Variants in WWTR1 observed in about 807,000 individuals in gnomAD.
The protein encoded by WWTR1 is WW domain-containing transcription regulator protein 1.
WWTR1 carries 13 observed loss-of-function variants against 40.1 expected under a neutral mutation model. That is an observed-to-expected ratio of 0.32 (90% CI 0.21 to 0.52). The LOEUF (loss-of-function observed/expected upper bound fraction) is 0.52. Among genes scored for constraint, WWTR1 ranks in the 20% least tolerant of loss-of-function variants. WWTR1 has a pLI of 0.97. For missense variants in WWTR1, 436 were observed against 523.1 expected, an observed-to-expected ratio of 0.83 and a Z score of 1.63; for synonymous variants, 230 against 210.1, an observed-to-expected ratio of 1.09 and a Z score of -0.82.
chr3:149,694,560 G>T (rs939103045), intron 1 of WWTR1, among the ~76,000 whole-genome samples: 2 of 152,154 alleles, frequency 1.3e-5, no homozygotes, highest in Non-Finnish European at 2.9e-5. Context: ...TGGCAAGCAG[G>T]TGCCTGAAAA....
At chr3:149,577,627 G>A (rs1043034251) in intron 2 of WWTR1, among the ~76,000 whole-genome samples, 4 of 152,260 alleles carry the variant, frequency 2.6e-5, no homozygotes, top group East Asian at 1.9e-4. Flanking sequence ...AGGTCACCAC[G>A]TCTCTGAGAA....
chr3:149,677,161 C>T (rs2108199179), intron 1 of WWTR1, among the ~76,000 whole-genome samples: 1 of 152,134 alleles, frequency 6.6e-6, no homozygotes, highest in East Asian at 1.9e-4. Context: ...GGTCATCCGC[C>T]CATCTCAGCC....
At chr3:149,539,870 C>T (rs1270712514) in intron 4 of WWTR1, among the ~76,000 whole-genome samples, 1 of 151,934 alleles carries the variant, frequency 6.6e-6, no homozygotes, top group Non-Finnish European at 1.5e-5. Flanking sequence ...GGCAAATGCC[C>T]CAGAAAACTA....
chr3:149,688,201 G>T (rs1015210326), intron 1 of WWTR1, among the ~76,000 whole-genome samples: 9 of 151,688 alleles, frequency 5.9e-5, no homozygotes, highest in Admixed American at 4.6e-4. Context: ...GGCCAGAAGG[G>T]AACCCACTGC....
At chr3:149,537,003 C>T (rs1042506755) in intron 4 of WWTR1, among the ~76,000 whole-genome samples, 3 of 152,050 alleles carry the variant, frequency 2.0e-5, no homozygotes, top group African/African-American at 7.2e-5. Context: ...AAGCCATATG[C>T]CTGTTTTCAT....
chr3:149,708,232 A>T (rs1017385965), upstream of WWTR1, among the ~76,000 whole-genome samples: 3 of 152,212 alleles, frequency 2.0e-5, no homozygotes, highest in South Asian at 6.2e-4. Flanking sequence ...TCTAAATATG[A>T]CTGACAACAT....
chr3:149,528,022 A>G (rs556321671), intron 4 of WWTR1, 53 bp from the exon 5 acceptor site: 3 of 1,580,478 alleles, frequency 1.9e-6, no homozygotes, highest in South Asian at 1.2e-5. Context: ...CAAGGCATGG[A>G]GCAAAGTGTA....
chr3:149,692,298 T>C (rs893164788), intron 1 of WWTR1, among the ~76,000 whole-genome samples: 7 of 152,140 alleles, frequency 4.6e-5, no homozygotes, highest in African/African-American at 1.7e-4. Flanking sequence ...TAAAAAATAA[T>C]TCACCATGAC....
intron 1 of WWTR1, among the ~76,000 whole-genome samples, chr3:149,684,612 G>A (rs977517474): frequency 6.6e-6 from 1 of 150,932 alleles, no homozygotes; most frequent in Non-Finnish European, 1.5e-5. Context: ...CACCCAGGCT[G>A]GAGTGCCATG....
chr3:149,639,158 A>G (rs1024196137), intron 2 of WWTR1, among the ~76,000 whole-genome samples: 1 of 152,330 alleles, frequency 6.6e-6, no homozygotes, highest in South Asian at 2.1e-4. Context: ...TAAATGAATA[A>G]ATCATTCTTC....
At chr3:149,719,272 G>T (rs1268707860) in intron 4 of WWTR1, among the ~76,000 whole-genome samples, 1 of 151,726 alleles carries the variant, frequency 6.6e-6, no homozygotes, top group African/African-American at 2.4e-5. Context: ...CCGAGTTCAA[G>T]TGATTCTTGG....
At chr3:149,667,098 G>A (rs1318154844) in intron 2 of WWTR1, among the ~76,000 whole-genome samples, 4 of 152,114 alleles carry the variant, frequency 2.6e-5, no homozygotes, top group Non-Finnish European at 4.4e-5. Flanking sequence ...TTATTGGAGC[G>A]CTTGTGTGTA....
intron 3 of WWTR1, among the ~76,000 whole-genome samples, chr3:149,558,825 A>G (rs565913567): frequency 6.6e-6 from 1 of 152,370 alleles, no homozygotes; most frequent in South Asian, 2.1e-4. Flanking sequence ...GAGATTATGG[A>G]AACAGGACAA....
At chr3:149,554,718 C>CA (rs5853417) in intron 3 of WWTR1, among the ~76,000 whole-genome samples, 96,204 of 151,898 alleles carry the variant, frequency 0.63, 31,944 homozygotes, top group East Asian at 0.96. Flanking sequence ...AAAGAAAGAA[C>CA]TCTTTCTTCC....
chr3:149,719,728 C>T (rs1715711933), intron 4 of WWTR1, among the ~76,000 whole-genome samples: 1 of 152,150 alleles, frequency 6.6e-6, no homozygotes, highest in Admixed American at 6.5e-5. Flanking sequence ...CTATATCCCC[C>T]AAACAGGCAC....
chr3:149,663,189 C>T (rs1028832099), intron 2 of WWTR1, among the ~76,000 whole-genome samples: 1 of 151,922 alleles, frequency 6.6e-6, no homozygotes, highest in African/African-American at 2.4e-5. Context: ...CCCGCCATCA[C>T]GCCAGCTAAT....
intron 1 of WWTR1, among the ~76,000 whole-genome samples, chr3:149,691,877 G>A (rs34323957): frequency 0.059 from 8,916 of 152,098 alleles, 302 homozygotes; most frequent in Non-Finnish European, 0.081. Context: ...TTAGCCGGGC[G>A]TGGTGGCAGG....
At chr3:149,583,329 A>G (rs918315437) in intron 2 of WWTR1, among the ~76,000 whole-genome samples, 2 of 152,172 alleles carry the variant, frequency 1.3e-5, no homozygotes, top group Admixed American at 1.3e-4. Flanking sequence ...TTTTTTCATT[A>G]GACAAGTATT....
rs1423217806 is a variant in WWTR1, at chr3:149,606,019, GA to G, written c.432-33020del. ...TGGGGGCAGAGCCCACATGGAATGG[GA>G]TTAAGGCCCTCATGAAAGAGGCCAG... On this transcript the variant is annotated intron_variant, in intron 2 of 6. Coordinates refer to ENST00000360632, the MANE Select transcript of WWTR1 (RefSeq NM_015472.6). 7.2e-5 allele frequency among the ~76,000 whole-genome samples: 11 copies of G among 152,296 alleles called. No homozygotes were observed. The East Asian group carries it at 1.4e-3, about 19-fold the overall frequency.
Sources: gnomAD v4.1 joint callset for allele counts (sites outside exome capture counted in the v4.1 genomes callset) on GRCh38, gnomAD v4.1.1 for gene constraint, MANE v1.5 for transcripts, NCBI Gene and HGNC (gene_info 2026-07-23, HGNC 2026-07-21) for gene names.